Variants in FAM81A observed in about 807,000 individuals in gnomAD.
The protein encoded by FAM81A is protein FAM81A.
Under a neutral mutation model 46.7 loss-of-function variants are expected in FAM81A, and 19 were observed. The observed-to-expected ratio is 0.41, with a 90% CI of 0.28 to 0.60. The LOEUF is 0.60. Ranked by LOEUF, FAM81A falls within the 20% of genes least tolerant of loss-of-function variation. FAM81A has a pLI of 0.34. For synonymous variants in FAM81A, 183 were observed against 152.9 expected (o/e 1.20, Z -1.45); for missense variants, 377 against 453.5 (o/e 0.83, Z 1.53).
chr15:59,419,699 C>T (rs2081162484), intron 2 of FAM81A, among the ~76,000 whole-genome samples: 1 of 152,052 alleles, frequency 6.6e-6, no homozygotes, highest in Admixed American at 6.6e-5. Context: ...CATGGTGAAA[C>T]CCTGTCTCTA....
intron 8 of FAM81A, among the ~76,000 whole-genome samples, chr15:59,517,144 A>C (rs2082276219): frequency 6.6e-6 from 1 of 152,136 alleles, no homozygotes; most frequent in African/African-American, 2.4e-5. Flanking sequence ...CAAGGTTAAC[A>C]TGTCTCAGAA....
At chr15:59,401,692 G>A (rs2081071073) in intron 1 of FAM81A, 10 of 785,078 alleles carry the variant, frequency 1.3e-5, no homozygotes, top group Non-Finnish European at 2.4e-5. Context: ...TGATCATACT[G>A]GAAAGTACTT....
chr15:59,505,556 G>A (rs373224649), intron 4 of FAM81A, among the ~76,000 whole-genome samples: 49 of 151,660 alleles, frequency 3.2e-4, no homozygotes, highest in African/African-American at 1.2e-3. Flanking sequence ...GATCATCTTA[G>A]CCACCTATAG....
At chr15:59,458,673 A>G (rs1273751589) in intron 2 of FAM81A, 27 bp downstream of exon 2, 3 of 1,590,862 alleles carry the variant, frequency 1.9e-6, no homozygotes, top group African/African-American at 1.3e-5. Context: ...CACTCATCCC[A>G]TGGGGGCTGC....
intron 4 of FAM81A, among the ~76,000 whole-genome samples, chr15:59,493,974 C>A (rs141955603): frequency 3.9e-4 from 59 of 152,320 alleles, no homozygotes; most frequent in African/African-American, 1.3e-3. Context: ...CACCCCCACT[C>A]CATAGAGCTC....
At chr15:59,440,480 C>T (rs1268545137) in intron 1 of FAM81A, among the ~76,000 whole-genome samples, 1 of 152,200 alleles carries the variant, frequency 6.6e-6, no homozygotes, top group Non-Finnish European at 1.5e-5. Flanking sequence ...TCATTCTCTT[C>T]TCTGCTTTGT....
At chr15:59,435,288 A>C (rs956653051), upstream of FAM81A, among the ~76,000 whole-genome samples, 8 of 151,666 alleles carry the variant, frequency 5.3e-5, no homozygotes, top group Non-Finnish European at 1.2e-4. Flanking sequence ...TCCGTCTCAA[A>C]CAAACAAACA....
chr15:59,451,451 TA>T (rs1410434813), intron 1 of FAM81A, among the ~76,000 whole-genome samples: 7 of 89,412 alleles, frequency 7.8e-5, no homozygotes, highest in Non-Finnish European at 1.0e-4. Flanking sequence ...AAAACACCAA[TA>T]ATTTTTTTTT....
intron 5 of FAM81A, among the ~76,000 whole-genome samples, chr15:59,508,585 C>G (rs80048177): frequency 0.049 from 7,456 of 152,078 alleles, 233 homozygotes; most frequent in Middle Eastern, 0.082. Flanking sequence ...GTAGAAGTTG[C>G]GGTCTTGGGT....
intron 2 of FAM81A, among the ~76,000 whole-genome samples, chr15:59,458,874 G>A (rs1156856684): frequency 6.6e-6 from 1 of 152,224 alleles, no homozygotes; most frequent in Non-Finnish European, 1.5e-5. Flanking sequence ...CCTGTTGAGA[G>A]TGAAATATAA....
intron 1 of FAM81A, 47 bp downstream of exon 1, chr15:59,438,329 G>A (rs1374476352): frequency 3.3e-5 from 5 of 152,092 alleles, no homozygotes; most frequent in Admixed American, 1.3e-4. Flanking sequence ...CTCTGGGGCT[G>A]GGCGGCGGGA....
intron 4 of FAM81A, among the ~76,000 whole-genome samples, chr15:59,498,623 C>A (rs1353335572): frequency 6.6e-6 from 1 of 152,036 alleles, no homozygotes; most frequent in Non-Finnish European, 1.5e-5. Context: ...AGCATCCATA[C>A]TTTCATTATT....
intron 2 of FAM81A, among the ~76,000 whole-genome samples, chr15:59,411,682 G>A (rs1455423515): frequency 6.6e-6 from 1 of 152,202 alleles, no homozygotes; most frequent in Non-Finnish European, 1.5e-5. Flanking sequence ...TTGGGAGGCC[G>A]AGATGAAAGG....
rs140535512 is a variant in FAM81A, at chr15:59,416,518, G to A, written c.-78+14160G>A. ...TGAGATGCGTCATTTGAGGTGTCAA[G>A]TCTTCCCATGGCAGAAACTGTGAAC... On this transcript the variant is annotated intron_variant, in intron 2 of 4. Transcript: ENST00000558348. Among the ~76,000 whole-genome samples the A allele has an allele frequency of 7.5e-3, 1,136 of 152,310 alleles. 8 individuals carry two copies. Among genetic ancestry groups the A allele is most frequent in the Admixed American group, 0.012 (188 of 15,296 alleles).
At chr15:59,402,666 A>T (rs1229752405) in intron 2 of FAM81A, among the ~76,000 whole-genome samples, 2 of 144,936 alleles carry the variant, frequency 1.4e-5, no homozygotes, top group African/African-American at 2.5e-5. Flanking sequence ...TCAGCCTCCC[A>T]AGTAGCTGGG....
chr15:59,515,924 G>C (rs1381056999), intron 7 of FAM81A, among the ~76,000 whole-genome samples: 1 of 152,150 alleles, frequency 6.6e-6, no homozygotes, highest in Non-Finnish European at 1.5e-5. Flanking sequence ...AGTGACCCAG[G>C]ATCCTTCCAG....
At chr15:59,409,455 C>T (rs771679350) in intron 2 of FAM81A, among the ~76,000 whole-genome samples, 8 of 152,122 alleles carry the variant, frequency 5.3e-5, no homozygotes, top group Admixed American at 2.0e-4. Context: ...TCATTCCAAC[C>T]CCTTCATCCC....
At chr15:59,419,867 G>T (rs2141550508) in intron 2 of FAM81A, among the ~76,000 whole-genome samples, 1 of 152,238 alleles carries the variant, frequency 6.6e-6, no homozygotes, top group East Asian at 1.9e-4. Flanking sequence ...AACAGAGCGA[G>T]ACTCCATCTA....
intron 1 of FAM81A, chr15:59,401,423 CA>C: frequency 1.2e-6 from 1 of 802,218 alleles, no homozygotes; most frequent in Non-Finnish European, 2.3e-6. Flanking sequence ...TATTGGTAGG[CA>C]AAAGGTGACT....
Sources: allele counts gnomAD v4.1 joint callset (sites outside exome capture counted in the v4.1 genomes callset), GRCh38; gene constraint gnomAD v4.1.1; transcripts MANE v1.5; gene names NCBI Gene and HGNC (gene_info 2026-07-23, HGNC 2026-07-21).